The following SHH variants were observed in gnomAD, a reference collection of about 807,000 sequenced individuals.
SHH encodes sonic hedgehog signaling molecule, also known as sonic hedgehog protein.
SHH carries 3 observed loss-of-function variants against 16.6 expected under a neutral mutation model. The ratio of observed to expected loss-of-function variants is 0.18; its 90% CI spans 0.08 to 0.47. The LOEUF is 0.47. Among genes scored for constraint, SHH ranks in the 20% least tolerant of loss-of-function variants. The pLI is 0.98. For missense variants in SHH, 499 were observed against 665.0 expected (o/e 0.75, Z 2.75); for synonymous variants, 351 against 316.2 (o/e 1.11, Z -1.17).
In SHH at chr7:155,812,271, C is replaced by G. The variant is rs1007912991; in HGVS notation, c.-149G>C. 1.1e-5 allele frequency: 8 copies of G among 757,736 alleles called. No homozygotes were observed. The highest frequency in any genetic ancestry group is 1.7e-5 in the African/African-American group (1 of 58,306). 46.9% of individuals were successfully genotyped at this position (757,736 alleles called of 1,614,324 possible). A position where few individuals can be genotyped will look rare whatever the true frequency, so the allele number is the denominator to read the frequency against. ...TCGCTCTCTCCCTCGCTGGCTGCCT[C>G]GCTCTTTCTCTTCCTATATAACCTT... On this transcript the variant is annotated 5_prime_UTR_variant, in exon 1 of 3. Coordinates refer to ENST00000297261, the MANE Select transcript of SHH (RefSeq NM_000193.4).
Position 155,807,433 on chromosome 7 carries a change from G to A in SHH, c.301-876C>T, listed in dbSNP as rs1803395670. ...AGTTTGAAGAGCAAACTGAAGAGGT[G>A]GAGGGAGGGGGAGGGGTTTGAGAGG... On this transcript the variant is annotated intron_variant, in intron 1 of 2. Coordinates refer to ENST00000297261, the MANE Select transcript of SHH (RefSeq NM_000193.4). This position sits in a 1 kb window ranked among gnomAD's most constrained non-coding sequence, Gnocchi z 7.1. The A allele has an allele frequency of 6.6e-6, 1 of 152,096 alleles. No homozygotes were observed. Among genetic ancestry groups the A allele is most frequent in the Admixed American group, 6.6e-5 (1 of 15,264 alleles). 9.4% of individuals were successfully genotyped at this position (152,096 alleles called of 1,614,324 possible).
At chr7:155,805,932 G>A (rs1803349546) in intron 2 of SHH, among the ~76,000 whole-genome samples, 1 of 152,250 alleles carries the variant, frequency 6.6e-6, no homozygotes, top group Admixed American at 6.5e-5. Context: ...CTAAACGAGA[G>A]GAAGGAGCTC....
chr7:155,806,894 A>C, intron 1 of SHH: 1 of 415,168 alleles, frequency 2.4e-6, no homozygotes. Context: ...TTAAGACATC[A>C]ACTACAGGAC....
rs201670599 is a variant in SHH, at chr7:155,806,574, A to T, written c.301-17T>A. On this transcript the variant is annotated splice_polypyrimidine_tract_variant and intron_variant, in intron 1 of 2. Transcript: ENST00000297261. ...CTTACACCTCTGCGAAGACAAGGGG[A>T]CCCCCACCGACGGACACGTTAGCCT... 7.8e-4 allele frequency: 1,250 copies of T among 1,607,732 alleles called. 1 individual carries two copies. Among genetic ancestry groups the T allele is most frequent in the Non-Finnish European group, 1.0e-3 (1,185 of 1,179,532 alleles).
intron 1 of SHH, among the ~76,000 whole-genome samples, chr7:155,810,748 A>T (rs1329394862): frequency 1.3e-5 from 2 of 152,224 alleles, no homozygotes; most frequent in Non-Finnish European, 2.9e-5. Context: ...CTCCCCCTGC[A>T]CTTGCGCCCC....
Position 155,801,175 on chromosome 7 carries a change from C to A in SHH, c.*1725G>T, listed in dbSNP as rs1803172697. On this transcript the variant is annotated 3_prime_UTR_variant, in exon 3 of 3. Transcript: ENST00000297261. ...CTCTCAACAGGGATCAAAGTCCACG[C>A]CCGACCGCCATGTGACACAGACAAC... 1 of 154,248 alleles carries A rather than the reference C, an allele frequency of 6.5e-6. No individual in the cohort carries two copies. Among genetic ancestry groups the A allele is most frequent in the Non-Finnish European group, 1.4e-5 (1 of 69,558 alleles). 9.6% of individuals were successfully genotyped at this position (154,248 alleles called of 1,614,324 possible).
chr7:155,807,528 C>T lies in SHH; in HGVS notation c.301-971G>A, dbSNP rs772056529. Among the ~76,000 whole-genome samples, 1 of 152,102 alleles carries T rather than the reference C, an allele frequency of 6.6e-6. No individual in the cohort carries two copies. The highest frequency in any genetic ancestry group is 2.4e-5 in the African/African-American group (1 of 41,396). On this transcript the variant is annotated intron_variant, in intron 1 of 2. Transcript: ENST00000297261. The surrounding 1 kb of genome is among the most constrained non-coding windows in gnomAD (Gnocchi z 7.1). The stretch of plus-strand genomic sequence containing the variant: ...CCTGGGGAGTTTCCCAGGAAGTTGC[C>T]TGGGAGGAGGCAGGAAACACTGACT...
At chr7:155,805,922 C>G (rs1480467105) in intron 2 of SHH, among the ~76,000 whole-genome samples, 2 of 152,244 alleles carry the variant, frequency 1.3e-5, no homozygotes, top group African/African-American at 2.4e-5. Context: ...TTCTTAAGCC[C>G]TAAACGAGAG....
chr7:155,802,773 T>TGTA lies in SHH; in HGVS notation c.*126_*127insTAC. 5.9e-6 allele frequency: 3 copies of TGTA among 510,140 alleles called. No individual in the cohort carries two copies. The highest frequency in any genetic ancestry group is 9.1e-6 in the Non-Finnish European group (3 of 329,892). 31.6% of individuals were successfully genotyped at this position (510,140 alleles called of 1,614,324 possible). A position where few individuals can be genotyped will look rare whatever the true frequency, so the allele number is the denominator to read the frequency against. On this transcript the variant is annotated 3_prime_UTR_variant, in exon 3 of 3. Coordinates refer to ENST00000297261, the MANE Select transcript of SHH (RefSeq NM_000193.4). ...TAGAGTCTACTTTGGACTGTCCTAC[T>TGTA]TTATTATTCTTATTCTTATTATAAC... is the stretch of plus-strand genomic sequence containing the variant.
chr7:155,802,792 T>C lies in SHH; in HGVS notation c.*108A>G, dbSNP rs1803218682. On this transcript the variant is annotated 3_prime_UTR_variant, in exon 3 of 3. Coordinates refer to ENST00000297261, the MANE Select transcript of SHH (RefSeq NM_000193.4). ...TCCTACTTTATTATTCTTATTCTTATTATAACTCAGTCTGGTTCGTGCGCC... is the reference window on the plus strand; with the variant it reads ...TCCTACTTTATTATTCTTATTCTTACTATAACTCAGTCTGGTTCGTGCGCC... The C allele has an allele frequency of 1.5e-6, 1 of 645,800 alleles. No individual in the cohort carries two copies. The highest frequency in any genetic ancestry group is 1.9e-5 in the African/African-American group (1 of 52,562). 40.0% of individuals were successfully genotyped at this position (645,800 alleles called of 1,614,324 possible).
At chr7:155,806,580 A>G (rs1253126953) in intron 1 of SHH, 23 bp from the exon 2 acceptor site, 1 of 1,609,796 alleles carries the variant, frequency 6.2e-7, no homozygotes, top group Non-Finnish European at 8.5e-7. Context: ...GGGGACCCCC[A>G]CCGACGGACA....
rs1049340689 is a variant in SHH at position 155,809,239 on chromosome 7, G to A, written c.300+2584C>T. Among the ~76,000 whole-genome samples the A allele has an allele frequency of 6.6e-6, 1 of 152,170 alleles. No homozygotes were observed. The highest frequency in any genetic ancestry group is 1.5e-5 in the Non-Finnish European group (1 of 68,026). ...CGGAACTGCTCCGAAAGTTCCACTG[G>A]GGACGATCTCGCCATGGTTGAGGGA... On this transcript the variant is annotated intron_variant, in intron 1 of 2. Transcript: ENST00000297261. This position sits in a 1 kb window ranked among gnomAD's most constrained non-coding sequence, Gnocchi z 6.1.
intron 1 of SHH, among the ~76,000 whole-genome samples, chr7:155,808,103 A>G (rs1428682148): frequency 1.4e-5 from 2 of 144,368 alleles, no homozygotes; most frequent in Non-Finnish European, 3.1e-5. Context: ...GGGGTGGGGT[A>G]GGGCTGGGGG....
rs535672699 is a variant in SHH at position 155,809,578 on chromosome 7, C to T, written c.300+2245G>A. Among the ~76,000 whole-genome samples, 107 of 152,276 alleles carry T rather than the reference C, an allele frequency of 7.0e-4. No homozygotes were observed. Among genetic ancestry groups the T allele is most frequent in the African/African-American group, 2.1e-3 (89 of 41,556 alleles). On this transcript the variant is annotated intron_variant, in intron 1 of 2. Coordinates refer to ENST00000297261, the MANE Select transcript of SHH (RefSeq NM_000193.4). The surrounding 1 kb of genome is among the most constrained non-coding windows in gnomAD (Gnocchi z 6.1). The stretch of plus-strand genomic sequence containing the variant: ...CCCTACCCCCCTCGGTTTTAGGGGA[C>T]CTTTGTGGGGTCTGCCTGATAATCC...
intron 2 of SHH, among the ~76,000 whole-genome samples, chr7:155,805,300 C>G (rs908902485): frequency 6.6e-6 from 1 of 151,810 alleles, no homozygotes; most frequent in Non-Finnish European, 1.5e-5. Flanking sequence ...GGGCCGCACA[C>G]CCGCCCCTGC....
Position 155,807,075 on chromosome 7 carries a change from A to G in SHH, c.301-518T>C. 1 of 216,658 alleles carries G rather than the reference A, an allele frequency of 4.6e-6. No homozygotes were observed. The highest frequency in any genetic ancestry group is 9.4e-6 in the Non-Finnish European group (1 of 106,300). 13.4% of individuals were successfully genotyped at this position (216,658 alleles called of 1,614,324 possible). A position where few individuals can be genotyped will look rare whatever the true frequency, so the allele number is the denominator to read the frequency against. On this transcript the variant is annotated intron_variant, in intron 1 of 2. Transcript: ENST00000297261. The surrounding 1 kb of genome is among the most constrained non-coding windows in gnomAD (Gnocchi z 7.1). ...GGGCGCAAGTTCCCAGAAATAAAGA[A>G]AAATGCACTGCGCACTGCTTGGAGA...
Position 155,811,938 on chromosome 7 carries a change from T to G in SHH, c.185A>C (p.Tyr62Ser). The part of the protein sequence containing the change: ...AEKTLGASGR[Y>S]EGKISRNSER... ...GGAGTTTCTGGAGATCTTCCCTTCATACCTTCCGCTGGCGCCTAGGGTCTT... is the reference window on the plus strand; with the variant it reads ...GGAGTTTCTGGAGATCTTCCCTTCAGACCTTCCGCTGGCGCCTAGGGTCTT... The change falls in exon 1 of 3, where the codon TAT becomes TCT. Residue 62 changes from tyrosine to serine, a missense_variant. By Grantham distance (144) the Tyr-to-Ser change is moderately radical. Transcript: ENST00000297261. 1 of 1,614,174 alleles carries G rather than the reference T, an allele frequency of 6.2e-7. No homozygotes were observed. Among genetic ancestry groups the G allele is most frequent in the Non-Finnish European group, 8.5e-7 (1 of 1,180,030 alleles).
At chr7:155,810,323 C>T (rs949722957) in intron 1 of SHH, among the ~76,000 whole-genome samples, 1 of 152,240 alleles carries the variant, frequency 6.6e-6, no homozygotes, top group African/African-American at 2.4e-5. Context: ...ATCCACGCCC[C>T]CGCCGCTCTC....
chr7:155,804,723 C>T (rs1363450723), intron 2 of SHH, among the ~76,000 whole-genome samples: 2 of 152,118 alleles, frequency 1.3e-5, no homozygotes, highest in African/African-American at 2.4e-5. Context: ...AGCCCTCTGT[C>T]GCTCTCTGAG....
Sources: allele counts gnomAD v4.1 joint callset (sites outside exome capture counted in the v4.1 genomes callset), GRCh38; gene constraint gnomAD v4.1.1; non-coding constraint Gnocchi (gnomAD v3.1); transcripts MANE v1.5; gene names NCBI Gene and HGNC (gene_info 2026-07-23, HGNC 2026-07-21).